SGCD: variants seen among roughly 807,000 people sequenced by gnomAD.
SGCD encodes the protein sarcoglycan delta, also known as delta-sarcoglycan.
In SGCD, 18 loss-of-function variants were observed where a neutral mutation model predicts 36.6. The observed-to-expected ratio is 0.49, with a 90% CI of 0.34 to 0.73. SGCD has a LOEUF of 0.73. Among genes scored for constraint, SGCD ranks in the 30% least tolerant of loss-of-function variants. The pLI, the probability that SGCD is intolerant of heterozygous loss-of-function variation, is 0.01. For missense variants in SGCD, 387 were observed against 346.7 expected, an observed-to-expected ratio of 1.12 and a Z score of -0.92; for synonymous variants, 133 against 130.6, an observed-to-expected ratio of 1.02 and a Z score of -0.12.
chr5:156,360,910 C>T (rs932330504), intron 3 of SGCD, among the ~76,000 whole-genome samples: 1 of 152,130 alleles, frequency 6.6e-6, no homozygotes, highest in Non-Finnish European at 1.5e-5. Flanking sequence ...AGAGTAGGTA[C>T]CCAGAAAGGC....
intron 1 of SGCD, among the ~76,000 whole-genome samples, chr5:155,957,048 G>A (rs2113442435): frequency 6.6e-6 from 1 of 152,140 alleles, no homozygotes; most frequent in Non-Finnish European, 1.5e-5. Flanking sequence ...AAAGGTGACA[G>A]AGGGTGATAG....
chr5:156,357,900 A>C (rs11743060), intron 3 of SGCD, among the ~76,000 whole-genome samples: 1 of 152,072 alleles, frequency 6.6e-6, no homozygotes, highest in Non-Finnish European at 1.5e-5. Context: ...ATAAATAAGA[A>C]TGAGCAATGG....
intron 7 of SGCD, among the ~76,000 whole-genome samples, chr5:156,751,203 C>A (rs903952726): frequency 6.6e-6 from 1 of 152,036 alleles, no homozygotes; most frequent in African/African-American, 2.4e-5. Flanking sequence ...CAAAAGAGAG[C>A]CATAAAGGTA....
chr5:156,344,696 G>A lies in SGCD; in HGVS notation c.192+19G>A, dbSNP rs758001910. The A allele has an allele frequency of 2.5e-6, 4 of 1,578,222 alleles. No homozygotes were observed. The highest frequency in any genetic ancestry group is 1.2e-5 in the South Asian group (1 of 85,464). On this transcript the variant is annotated intron_variant, in intron 3 of 8. Transcript: ENST00000337851. ...CACAATTGTAAGTAAAACCATCTAG[G>A]TTTGTTTAGCTTTCTTCCGGGAGGG...
intron 3 of SGCD, among the ~76,000 whole-genome samples, chr5:156,423,442 T>TA (rs1179870953): frequency 1.3e-4 from 15 of 116,320 alleles, no homozygotes; most frequent in South Asian, 7.5e-4. Flanking sequence ...TATAATATAT[T>TA]TATTTTATTA....
chr5:155,788,109 G>A, the SGCD span, among the ~76,000 whole-genome samples: 1 of 152,076 alleles, frequency 6.6e-6, no homozygotes. Flanking sequence ...ATATAGGTGT[G>A]ACTCTTTACC....
intron 1 of SGCD, among the ~76,000 whole-genome samples, chr5:155,962,752 G>T (rs1757817331): frequency 6.6e-6 from 1 of 152,080 alleles, no homozygotes; most frequent in African/African-American, 2.4e-5. Context: ...TATACTAAGT[G>T]GCACGAGAAG....
chr5:156,165,993 T>C (rs1561546586), intron 3 of SGCD, among the ~76,000 whole-genome samples: 1 of 152,208 alleles, frequency 6.6e-6, no homozygotes, highest in Non-Finnish European at 1.5e-5. Context: ...TGTTCTTCTT[T>C]GACTTAACTT....
At chr5:156,071,120 C>G (rs1433635125) in intron 1 of SGCD, among the ~76,000 whole-genome samples, 6 of 152,002 alleles carry the variant, frequency 3.9e-5, no homozygotes, top group African/African-American at 1.2e-4. Flanking sequence ...TTTTTTGTGT[C>G]TCTATTTCCT....
intron 6 of SGCD, among the ~76,000 whole-genome samples, chr5:156,632,753 C>T (rs550203005): frequency 6.6e-6 from 1 of 152,264 alleles, no homozygotes; most frequent in Admixed American, 6.5e-5. Flanking sequence ...TTCTGAGTGG[C>T]ATTTTCCCTT....
the SGCD span, among the ~76,000 whole-genome samples, chr5:155,818,119 A>G: frequency 6.6e-6 from 1 of 152,224 alleles, no homozygotes; most frequent in Non-Finnish European, 1.5e-5. Flanking sequence ...CTTTCAACGT[A>G]GAAGAGGAGA....
chr5:156,656,903 G>A (rs1422018200), intron 7 of SGCD, among the ~76,000 whole-genome samples: 1 of 151,970 alleles, frequency 6.6e-6, no homozygotes, highest in Non-Finnish European at 1.5e-5. Flanking sequence ...TTTTGTTGTT[G>A]TTGTTTTGTT....
the SGCD span, among the ~76,000 whole-genome samples, chr5:155,833,909 C>G: frequency 7.9e-5 from 12 of 152,196 alleles, no homozygotes; most frequent in African/African-American, 2.2e-4. Flanking sequence ...TTAACAGATA[C>G]AGTGAAAGGC....
intron 1 of SGCD, among the ~76,000 whole-genome samples, chr5:156,079,043 G>T (rs1581085354): frequency 6.8e-6 from 1 of 146,084 alleles, no homozygotes; most frequent in African/African-American, 2.6e-5. Context: ...AAAAAGAAAA[G>T]TTTAATTGGC....
intron 1 of SGCD, among the ~76,000 whole-genome samples, chr5:155,922,934 A>G (rs756291368): frequency 1.2e-4 from 18 of 152,202 alleles, no homozygotes; most frequent in Non-Finnish European, 2.1e-4. Flanking sequence ...GTAATGAACA[A>G]ATGTGTACAG....
At chr5:156,411,485 G>A (rs1463289325) in intron 3 of SGCD, among the ~76,000 whole-genome samples, 1 of 152,216 alleles carries the variant, frequency 6.6e-6, no homozygotes, top group Non-Finnish European at 1.5e-5. Context: ...GCTCTGTTCA[G>A]TGGAAAGAAA....
chr5:156,389,672 C>A (rs1357428034), intron 3 of SGCD, among the ~76,000 whole-genome samples: 1 of 152,166 alleles, frequency 6.6e-6, no homozygotes, highest in Admixed American at 6.5e-5. Flanking sequence ...CTGCTCACCT[C>A]TTGCTGTGTG....
intron 4 of SGCD, 113 bp from the exon 5 acceptor site, chr5:156,589,118 C>T: frequency 1.5e-6 from 1 of 680,500 alleles, no homozygotes; most frequent in Admixed American, 2.6e-5. Flanking sequence ...AGTAAAGACA[C>T]ATTGATTGGA....
At chr5:156,746,540 A>C (rs1756944720) in intron 7 of SGCD, among the ~76,000 whole-genome samples, 1 of 152,254 alleles carries the variant, frequency 6.6e-6, no homozygotes. Flanking sequence ...TCCTGAGGCC[A>C]GATAAATACA....
Sources: allele counts gnomAD v4.1 joint callset (sites outside exome capture counted in the v4.1 genomes callset), GRCh38; gene constraint gnomAD v4.1.1; transcripts MANE v1.5; gene names NCBI Gene and HGNC (gene_info 2026-07-23, HGNC 2026-07-21).